Variants in SAMD12 observed in about 807,000 individuals in gnomAD.
SAMD12 encodes the protein sterile alpha motif domain containing 12, also known as sterile alpha motif domain-containing protein 12.
A neutral mutation model predicts 15.0 loss-of-function variants in SAMD12; 9 were observed. The observed-to-expected ratio is 0.60, with a 90% CI of 0.36 to 1.05. The LOEUF is 1.05. SAMD12 is among the 50% of genes least tolerant of loss of function. The pLI is 0.01. For synonymous variants in SAMD12, 86 were observed against 90.1 expected, an observed-to-expected ratio of 0.96 and a Z score of 0.25; for missense variants, 230 against 234.2, an observed-to-expected ratio of 0.98 and a Z score of 0.12.
At chr8:118,558,238 C>A (rs983809030) in intron 2 of SAMD12, among the ~76,000 whole-genome samples, 5 of 152,112 alleles carry the variant, frequency 3.3e-5, no homozygotes, top group Admixed American at 6.5e-5. Context: ...GTTCAGGGTT[C>A]TAACTTTGCC....
intron 4 of SAMD12, among the ~76,000 whole-genome samples, chr8:118,309,778 C>T (rs985953607): frequency 6.6e-6 from 1 of 152,192 alleles, no homozygotes; most frequent in African/African-American, 2.4e-5. Flanking sequence ...CTTCACTTAG[C>T]TCCTGGGTCT....
At chr8:118,396,671 A>T (rs1820585774) in intron 3 of SAMD12, among the ~76,000 whole-genome samples, 2 of 152,228 alleles carry the variant, frequency 1.3e-5, no homozygotes, top group South Asian at 4.1e-4. Context: ...TGTCAGAGCA[A>T]AGACAAGAAC....
At chr8:118,301,426 G>T (rs1368511436) in intron 4 of SAMD12, among the ~76,000 whole-genome samples, 2 of 152,142 alleles carry the variant, frequency 1.3e-5, no homozygotes, top group East Asian at 3.9e-4. Context: ...AAAGCCAAAA[G>T]GTACAGATAC....
At chr8:118,475,636 G>C (rs190230963) in intron 2 of SAMD12, among the ~76,000 whole-genome samples, 20 of 152,312 alleles carry the variant, frequency 1.3e-4, no homozygotes, top group African/African-American at 4.1e-4. Context: ...TCTGTACTCC[G>C]TGGTCTACTG....
At chr8:118,228,753 G>C (rs1255244982) in intron 4 of SAMD12, among the ~76,000 whole-genome samples, 1 of 152,138 alleles carries the variant, frequency 6.6e-6, no homozygotes, top group Admixed American at 6.6e-5. Flanking sequence ...ACTAAAAATA[G>C]AACTACTATT....
chr8:118,514,530 A>G (rs1392420693), intron 2 of SAMD12, among the ~76,000 whole-genome samples: 1 of 152,214 alleles, frequency 6.6e-6, no homozygotes, highest in South Asian at 2.1e-4. Context: ...AAGATTATTC[A>G]TTCTCTTTTT....
intron 1 of SAMD12, among the ~76,000 whole-genome samples, chr8:118,605,190 A>G (rs117053872): frequency 1.9e-4 from 29 of 152,346 alleles, no homozygotes; most frequent in Non-Finnish European, 4.0e-4. Flanking sequence ...TCCCAGGGAC[A>G]GAACAGAAAG....
chr8:118,360,115 G>T (rs1385365128), intron 4 of SAMD12, among the ~76,000 whole-genome samples: 1 of 152,144 alleles, frequency 6.6e-6, no homozygotes, highest in Admixed American at 6.5e-5. Flanking sequence ...AATACACAAA[G>T]AAGTCCACTG....
At chr8:118,550,003 A>G (rs990519177) in intron 2 of SAMD12, among the ~76,000 whole-genome samples, 8 of 152,166 alleles carry the variant, frequency 5.3e-5, no homozygotes, top group Admixed American at 1.3e-4. Context: ...AAATGAACAA[A>G]ACCTCCAAGA....
intron 4 of SAMD12, among the ~76,000 whole-genome samples, chr8:118,202,810 T>A (rs1819751944): frequency 6.6e-6 from 1 of 152,172 alleles, no homozygotes; most frequent in Admixed American, 6.5e-5. Context: ...GCAACTTCAA[T>A]GTGGGACAAT....
intron 3 of SAMD12, among the ~76,000 whole-genome samples, chr8:118,407,622 G>A (rs1287497191): frequency 6.6e-6 from 1 of 152,090 alleles, no homozygotes; most frequent in Non-Finnish European, 1.5e-5. Context: ...TAACCAACTA[G>A]GAATCTCCTC....
At chr8:118,240,960 C>G (rs1335365722) in intron 4 of SAMD12, among the ~76,000 whole-genome samples, 1 of 152,118 alleles carries the variant, frequency 6.6e-6, no homozygotes, top group African/African-American at 2.4e-5. Flanking sequence ...ATCACCCCAT[C>G]ATTCAATCAC....
chr8:118,290,890 A>T (rs1195424921), intron 4 of SAMD12, among the ~76,000 whole-genome samples: 1 of 152,210 alleles, frequency 6.6e-6, no homozygotes, highest in Non-Finnish European at 1.5e-5. Flanking sequence ...TTCAGTGTAG[A>T]ACTGTTTTAT....
At chr8:118,237,907 C>T (rs1020057119) in intron 4 of SAMD12, among the ~76,000 whole-genome samples, 2 of 152,160 alleles carry the variant, frequency 1.3e-5, no homozygotes, top group African/African-American at 4.8e-5. Context: ...TGGAAGCAAA[C>T]AAGGCCTTTC....
chr8:118,598,093 T>C (rs1827768043), intron 1 of SAMD12, among the ~76,000 whole-genome samples: 1 of 152,236 alleles, frequency 6.6e-6, no homozygotes, highest in Non-Finnish European at 1.5e-5. Context: ...AAAGGTTCTT[T>C]AAGGTCCGAT....
At chr8:118,249,545 C>G (rs914619487) in intron 4 of SAMD12, among the ~76,000 whole-genome samples, 4 of 152,154 alleles carry the variant, frequency 2.6e-5, no homozygotes, top group African/African-American at 4.8e-5. Context: ...ACTTTATGTA[C>G]GTATGCATCA....
chr8:118,546,967 T>C (rs1419910200), intron 2 of SAMD12, among the ~76,000 whole-genome samples: 4 of 152,218 alleles, frequency 2.6e-5, no homozygotes, highest in Non-Finnish European at 5.9e-5. Flanking sequence ...AAAACCATTT[T>C]TCTTTTCTTT....
At chr8:118,388,342 A>T (rs745872269) in intron 3 of SAMD12, among the ~76,000 whole-genome samples, 29 of 152,204 alleles carry the variant, frequency 1.9e-4, no homozygotes, top group African/African-American at 5.8e-4. Context: ...CTCCATTTGT[A>T]GAACTAATAT....
intron 4 of SAMD12, chr8:118,291,129 G>A (rs1814340807): frequency 6.6e-6 from 1 of 152,198 alleles, no homozygotes; most frequent in African/African-American, 2.4e-5. Context: ...TATTTTGACA[G>A]TGTTTCACTG....
Sources: gnomAD v4.1 joint callset for allele counts (sites outside exome capture counted in the v4.1 genomes callset) on GRCh38, gnomAD v4.1.1 for gene constraint, MANE v1.5 for transcripts, NCBI Gene and HGNC (gene_info 2026-07-23, HGNC 2026-07-21) for gene names.